Variants in MYO3A observed in about 807,000 individuals in gnomAD.
MYO3A encodes the protein myosin-IIIa.
MYO3A carries 180 observed loss-of-function variants against 192.7 expected under a neutral mutation model. That is an observed-to-expected ratio of 0.93 (90% CI 0.83 to 1.06). MYO3A has a LOEUF of 1.06. Ranked by LOEUF, MYO3A falls within the 50% of genes least tolerant of loss-of-function variation. The probability of loss-of-function intolerance (pLI) is 0.00; values close to 1 mark genes in which losing one functional copy is unlikely to be tolerated. For synonymous variants in MYO3A, 628 were observed against 645.3 expected (o/e 0.97, Z 0.41); for missense variants, 1,896 against 1,905.0 (o/e 1.00, Z 0.09).
intron 20 of MYO3A, among the ~76,000 whole-genome samples, chr10:26,138,198 C>G (rs1030250375): frequency 6.6e-6 from 1 of 152,166 alleles, no homozygotes; most frequent in Non-Finnish European, 1.5e-5. Context: ...CATCACGGTC[C>G]TACTGATATG....
intron 6 of MYO3A, among the ~76,000 whole-genome samples, chr10:26,016,393 T>TA (rs1301395150): frequency 6.6e-6 from 1 of 152,212 alleles, no homozygotes; most frequent in Non-Finnish European, 1.5e-5. Context: ...TAACACCATA[T>TA]AGGACATTCT....
At chr10:26,073,372 C>A (rs1401832446) in intron 14 of MYO3A, among the ~76,000 whole-genome samples, 2 of 152,106 alleles carry the variant, frequency 1.3e-5, no homozygotes, top group East Asian at 3.9e-4. Flanking sequence ...GAGTTCAAGA[C>A]CATCCTGGCT....
chr10:26,055,574 C>T (rs1844263974), intron 10 of MYO3A, among the ~76,000 whole-genome samples: 1 of 152,140 alleles, frequency 6.6e-6, no homozygotes, highest in Non-Finnish European at 1.5e-5. Flanking sequence ...CACAGGTGGC[C>T]TCCGTACTTT....
In MYO3A at chr10:26,201,284, A is replaced by C; in HGVS notation, c.4565A>C (p.Lys1522Thr). 6.3e-7 allele frequency: 1 copy of C among 1,580,638 alleles called. No individual in the cohort carries two copies. The highest frequency in any genetic ancestry group is 8.7e-7 in the Non-Finnish European group (1 of 1,155,154). ...CTTTAGAAGTCAATCCAAGAAGAAA[A>C]ACGAAGACCAAGGAAAGACAGGTAA... ...YLLHKSIQEE[K>T]RRPRKDSQGK... Residue 1522 changes from lysine to threonine, a missense_variant, in exon 33 of 35, where the codon AAA becomes ACA. Lys to Thr is a moderately conservative substitution (Grantham distance 78, BLOSUM62 -1). Transcript: ENST00000642920.
intron 26 of MYO3A, among the ~76,000 whole-genome samples, chr10:26,163,555 C>T (rs1841585381): frequency 6.6e-6 from 1 of 152,040 alleles, no homozygotes; most frequent in South Asian, 2.1e-4. Flanking sequence ...TTGTTAGATC[C>T]ATAGAGTGAA....
At chr10:26,186,628 A>G (rs1303085824) in intron 31 of MYO3A, among the ~76,000 whole-genome samples, 1 of 152,050 alleles carries the variant, frequency 6.6e-6, no homozygotes. Context: ...GTTTTAATTT[A>G]TATTCCCTTA....
At chr10:26,042,381 T>C (rs1319037593) in intron 10 of MYO3A, among the ~76,000 whole-genome samples, 3 of 152,186 alleles carry the variant, frequency 2.0e-5, no homozygotes, top group African/African-American at 7.2e-5. Flanking sequence ...TGAGAAATTA[T>C]CCCTTTCAAT....
At chr10:25,966,577 C>T (rs566790761) in intron 4 of MYO3A, among the ~76,000 whole-genome samples, 1 of 150,676 alleles carries the variant, frequency 6.6e-6, no homozygotes, top group Non-Finnish European at 1.5e-5. Flanking sequence ...TGAAAACAAA[C>T]AAAAAAAAAC....
chr10:26,041,068 C>T (rs950367280), intron 10 of MYO3A, among the ~76,000 whole-genome samples: 1 of 152,012 alleles, frequency 6.6e-6, no homozygotes, highest in African/African-American at 2.4e-5. Flanking sequence ...TATCTGGGTG[C>T]TCCAGTGTCA....
chr10:26,203,609 TAAGTA>T (rs1263591418), intron 34 of MYO3A, among the ~76,000 whole-genome samples: 1 of 152,246 alleles, frequency 6.6e-6, no homozygotes, highest in African/African-American at 2.4e-5. Context: ...TTTCTGACAT[TAAGTA>T]AATTATTTTG....
chr10:26,146,983 G>A lies in MYO3A; in HGVS notation c.2506-447G>A, dbSNP rs113351927. On this transcript the variant is annotated intron_variant, in intron 22 of 34. Transcript: ENST00000642920. ...TTAAGTAATAACATTATTTAGAAGTGCCAGAAACACAAAAAGCCACAGTGT... is the reference window on the plus strand; with the variant it reads ...TTAAGTAATAACATTATTTAGAAGTACCAGAAACACAAAAAGCCACAGTGT... Among the ~76,000 whole-genome samples the A allele has an allele frequency of 4.6e-3, 694 of 152,152 alleles. 7 individuals carry two copies. The highest frequency in any genetic ancestry group is 0.015 in the African/African-American group (639 of 41,504).
intron 18 of MYO3A, among the ~76,000 whole-genome samples, chr10:26,122,540 C>A (rs1056712095): frequency 1.3e-5 from 2 of 152,154 alleles, no homozygotes; most frequent in Non-Finnish European, 2.9e-5. Context: ...CCATTCTCAT[C>A]AAAAACAACA....
chr10:25,943,155 A>T (rs2130438355), intron 2 of MYO3A, among the ~76,000 whole-genome samples: 1 of 152,020 alleles, frequency 6.6e-6, no homozygotes, highest in Non-Finnish European at 1.5e-5. Context: ...TTGCATGTGG[A>T]TATCCAGTTT....
chr10:26,062,452 G>A (rs35853372), intron 10 of MYO3A, among the ~76,000 whole-genome samples: 66,878 of 143,792 alleles, frequency 0.47, 16,379 homozygotes, highest in Middle Eastern at 0.58. Context: ...AGGAGGCAGA[G>A]GTTGCAGTGA....
intron 18 of MYO3A, among the ~76,000 whole-genome samples, chr10:26,124,052 G>T (rs139390196): frequency 7.9e-4 from 120 of 152,152 alleles, no homozygotes; most frequent in Non-Finnish European, 1.4e-3. Context: ...AGCCAGGCAG[G>T]TTGTCATGCG....
chr10:26,150,778 A>G (rs571563591), intron 23 of MYO3A, among the ~76,000 whole-genome samples: 3 of 151,378 alleles, frequency 2.0e-5, no homozygotes, highest in Admixed American at 1.3e-4. Flanking sequence ...TGGTTTTTTT[A>G]TTGGTTTTGT....
chr10:26,014,415 C>T (rs1396676725), intron 6 of MYO3A, among the ~76,000 whole-genome samples: 1 of 151,992 alleles, frequency 6.6e-6, no homozygotes, highest in Admixed American at 6.6e-5. Context: ...AAAACTTTTG[C>T]TTGTTACTGC....
chr10:26,121,813 T>C (rs1315812975), intron 18 of MYO3A, among the ~76,000 whole-genome samples: 2 of 150,550 alleles, frequency 1.3e-5, no homozygotes, highest in Admixed American at 1.3e-4. Context: ...TACTTTTTCC[T>C]GATTTATGCT....
At chr10:26,011,976 T>G (rs779237530) in intron 6 of MYO3A, among the ~76,000 whole-genome samples, 3 of 152,144 alleles carry the variant, frequency 2.0e-5, no homozygotes, top group Non-Finnish European at 2.9e-5. Flanking sequence ...ATGAATCACA[T>G]AAATAGAATT....
Sources: gnomAD v4.1 joint callset for allele counts (sites outside exome capture counted in the v4.1 genomes callset) on GRCh38, gnomAD v4.1.1 for gene constraint, MANE v1.5 for transcripts, NCBI Gene and HGNC (gene_info 2026-07-23, HGNC 2026-07-21) for gene names.